The following RBPJ variants were observed in gnomAD, a reference collection of about 807,000 sequenced individuals.
The protein encoded by RBPJ is recombination signal binding protein for immunoglobulin kappa J region, also known as recombining binding protein suppressor of hairless.
RBPJ carries 9 observed loss-of-function variants against 67.8 expected under a neutral mutation model. The observed-to-expected ratio is 0.13, with a 90% confidence interval of 0.08 to 0.23. The LOEUF (loss-of-function observed/expected upper bound fraction) is 0.23. RBPJ is among the 10% of genes least tolerant of loss of function. The probability of loss-of-function intolerance (pLI) is 1.00; values close to 1 mark genes in which losing one functional copy is unlikely to be tolerated. For synonymous variants in RBPJ, 198 were observed against 203.3 expected (o/e 0.97, Z 0.22); for missense variants, 305 against 595.6 (o/e 0.51, Z 5.08).
the RBPJ span, among the ~76,000 whole-genome samples, chr4:26,154,123 C>G: frequency 6.6e-6 from 1 of 152,098 alleles, no homozygotes; most frequent in Non-Finnish European, 1.5e-5. Context: ...CTTTAGAGGA[C>G]AAACAAAGAT....
chr4:26,261,172 G>C (rs901944778), intron 1 of RBPJ, among the ~76,000 whole-genome samples: 2 of 151,990 alleles, frequency 1.3e-5, no homozygotes, highest in African/African-American at 4.8e-5. Flanking sequence ...GCAGGAAATA[G>C]AACAAGATGC....
chr4:26,298,851 C>T (rs577919186), intron 1 of RBPJ, among the ~76,000 whole-genome samples: 7 of 152,194 alleles, frequency 4.6e-5, no homozygotes, highest in South Asian at 4.1e-4. Context: ...GAGTTATCAA[C>T]GTACAAAATA....
chr4:26,133,969 T>C, the RBPJ span, among the ~76,000 whole-genome samples: 484 of 152,214 alleles, frequency 3.2e-3, 2 homozygotes, highest in African/African-American at 0.01. Flanking sequence ...CAACAGGGAC[T>C]GTCAGAGGGA....
Position 26,373,537 on chromosome 4 carries a change from G to A in RBPJ, c.21-12816G>A, listed in dbSNP as rs546201377. On this transcript the variant is annotated intron_variant, in intron 1 of 10. Transcript: ENST00000355476. Reference sequence around the variant, plus strand: ...GGCTGCTAAGAAATTGGCCAAACATGGTTTGATGGAGGCTGGACTGGTACT... The same window carrying A: ...GGCTGCTAAGAAATTGGCCAAACATAGTTTGATGGAGGCTGGACTGGTACT... 1.1e-3 allele frequency among the ~76,000 whole-genome samples: 166 copies of A among 152,280 alleles called. 2 individuals carry two copies. Among genetic ancestry groups the A allele is most frequent in the South Asian group, 3.9e-3 (19 of 4,828 alleles).
intron 1 of RBPJ, among the ~76,000 whole-genome samples, chr4:26,292,556 G>A (rs1295505595): frequency 6.7e-6 from 1 of 150,322 alleles, no homozygotes; most frequent in African/African-American, 2.5e-5. Context: ...GAGTAGCTGG[G>A]ATTACAGCCG....
chr4:26,303,230 AATAT>A (rs772224810), intron 1 of RBPJ, among the ~76,000 whole-genome samples: 4 of 144,190 alleles, frequency 2.8e-5, no homozygotes, highest in South Asian at 2.1e-4. Context: ...TAAATGAATA[AATAT>A]ATATATATAT....
intron 1 of RBPJ, among the ~76,000 whole-genome samples, chr4:26,376,125 A>G (rs1003683879): frequency 2.0e-5 from 3 of 152,230 alleles, no homozygotes; most frequent in African/African-American, 2.4e-5. Context: ...TAAAATATAC[A>G]TAATGTAAAA....
At chr4:26,332,433 G>A (rs1272438319) in intron 1 of RBPJ, among the ~76,000 whole-genome samples, 2 of 152,078 alleles carry the variant, frequency 1.3e-5, no homozygotes, top group Non-Finnish European at 2.9e-5. Flanking sequence ...TAAATCAGCT[G>A]TCCACCTAAG....
intron 1 of RBPJ, among the ~76,000 whole-genome samples, chr4:26,335,333 C>T (rs988068856): frequency 1.3e-5 from 2 of 151,938 alleles, no homozygotes; most frequent in African/African-American, 2.4e-5. Flanking sequence ...AGGCGTGTAC[C>T]ACCACGCCCG....
In RBPJ at chr4:26,408,382, A is replaced by G. The variant is rs569901282; in HGVS notation, c.155+2112A>G. Among the ~76,000 whole-genome samples the G allele has an allele frequency of 7.9e-5, 12 of 152,250 alleles. No individual in the cohort carries two copies. In the South Asian group the frequency reaches 2.5e-3, roughly 32 times the overall value. ...GTTTGGGACATAGCGTACCAACTCA[A>G]ATTAGTGGTCCTTTTTTTTTTTCCC... On this transcript the variant is annotated intron_variant, in intron 3 of 10. Coordinates refer to ENST00000355476, the MANE Select transcript of RBPJ (RefSeq NM_015874.6).
chr4:26,411,645 A>G (rs1734029760), intron 3 of RBPJ, among the ~76,000 whole-genome samples: 1 of 151,984 alleles, frequency 6.6e-6, no homozygotes, highest in Non-Finnish European at 1.5e-5. Context: ...ACATGATTGG[A>G]AAGCACTTTC....
At chr4:26,124,641 T>C in the RBPJ span, among the ~76,000 whole-genome samples, 11 of 151,688 alleles carry the variant, frequency 7.3e-5, no homozygotes, top group Admixed American at 2.6e-4. Context: ...GTTCTACTTC[T>C]AGTTCTTTAA....
intron 1 of RBPJ, among the ~76,000 whole-genome samples, chr4:26,184,066 C>G (rs939366504): frequency 6.6e-6 from 1 of 151,174 alleles, no homozygotes; most frequent in Non-Finnish European, 1.5e-5. Context: ...CCTGCAGTCC[C>G]AACTACTCTT....
intron 5 of RBPJ, among the ~76,000 whole-genome samples, chr4:26,423,088 G>A (rs1462197590): frequency 6.6e-6 from 1 of 152,146 alleles, no homozygotes; most frequent in East Asian, 1.9e-4. Flanking sequence ...ATAGTTTAAT[G>A]TATTTTCTGT....
the RBPJ span, among the ~76,000 whole-genome samples, chr4:26,108,612 T>C: frequency 6.6e-6 from 1 of 152,228 alleles, no homozygotes; most frequent in African/African-American, 2.4e-5. Flanking sequence ...TTACCTATCT[T>C]ATAGGGTTTA....
At chr4:26,203,308 C>T (rs1013969107) in intron 1 of RBPJ, among the ~76,000 whole-genome samples, 11 of 152,160 alleles carry the variant, frequency 7.2e-5, no homozygotes, top group African/African-American at 2.2e-4. Context: ...TCTCTCTTTC[C>T]GGAACAGTCT....
At chr4:26,373,717 A>G (rs748515997) in intron 1 of RBPJ, among the ~76,000 whole-genome samples, 2 of 152,214 alleles carry the variant, frequency 1.3e-5, no homozygotes, top group African/African-American at 2.4e-5. Flanking sequence ...GAAGACTGTC[A>G]CAGTCCCTAC....
chr4:26,148,480 A>G, the RBPJ span, among the ~76,000 whole-genome samples: 18 of 152,216 alleles, frequency 1.2e-4, no homozygotes, highest in Non-Finnish European at 2.1e-4. Context: ...ACTTCAAAGT[A>G]AAAGGCAAGT....
At chr4:26,157,635 A>G in the RBPJ span, among the ~76,000 whole-genome samples, 1 of 152,158 alleles carries the variant, frequency 6.6e-6, no homozygotes, top group African/African-American at 2.4e-5. Context: ...CCCTTTCTAC[A>G]TTCCTTATTG....
Sources: allele counts gnomAD v4.1 joint callset (sites outside exome capture counted in the v4.1 genomes callset), GRCh38; gene constraint gnomAD v4.1.1; transcripts MANE v1.5; gene names NCBI Gene and HGNC (gene_info 2026-07-23, HGNC 2026-07-21).